The following EYA1 variants were observed in gnomAD, a reference collection of about 807,000 sequenced individuals.
EYA1 encodes protein phosphatase EYA1.
A neutral mutation model predicts 82.0 loss-of-function variants in EYA1; 16 were observed. The observed-to-expected ratio is 0.20, with a 90% CI of 0.13 to 0.30. The LOEUF (loss-of-function observed/expected upper bound fraction) is 0.30, where lower values mean the gene tolerates loss of function less well. EYA1 is among the 10% of genes least tolerant of loss of function. EYA1 has a pLI of 1.00. For missense variants in EYA1, 633 were observed against 730.7 expected (o/e 0.87, Z 1.54); for synonymous variants, 261 against 264.4 (o/e 0.99, Z 0.12).
chr8:71,277,984 T>G (rs766457963), intron 9 of EYA1, among the ~76,000 whole-genome samples: 4 of 152,156 alleles, frequency 2.6e-5, no homozygotes, highest in Non-Finnish European at 5.9e-5. Flanking sequence ...TTCCATAAAT[T>G]CTTCAATATT....
intron 7 of EYA1, among the ~76,000 whole-genome samples, chr8:71,310,168 C>T (rs1003590948): frequency 6.6e-6 from 1 of 152,178 alleles, no homozygotes; most frequent in Non-Finnish European, 1.5e-5. Flanking sequence ...TCTGTGATGT[C>T]TCCAACCAGC....
chr8:71,491,492 TA>T (rs766247714), intron 2 of EYA1, among the ~76,000 whole-genome samples: 5 of 152,190 alleles, frequency 3.3e-5, no homozygotes, highest in Non-Finnish European at 1.5e-5. Flanking sequence ...GACGGGGTTT[TA>T]AAAAGGCAAT....
At chr8:71,456,572 G>C (rs938347840) in intron 2 of EYA1, among the ~76,000 whole-genome samples, 1 of 151,876 alleles carries the variant, frequency 6.6e-6, no homozygotes, top group Non-Finnish European at 1.5e-5. Context: ...TAGATCAATG[G>C]AACAGAACAG....
intron 2 of EYA1, among the ~76,000 whole-genome samples, chr8:71,475,945 A>G (rs1434156110): frequency 6.6e-6 from 1 of 152,202 alleles, no homozygotes; most frequent in Non-Finnish European, 1.5e-5. Flanking sequence ...AGAGTCATTG[A>G]ATATTTTGAA....
intron 2 of EYA1, among the ~76,000 whole-genome samples, chr8:71,423,448 T>G (rs2129151994): frequency 6.6e-6 from 1 of 152,350 alleles, no homozygotes; most frequent in African/African-American, 2.4e-5. Context: ...TTATTTGTTT[T>G]TATTCTTCAA....
chr8:71,358,432 T>G (rs1454267585), intron 1 of EYA1, among the ~76,000 whole-genome samples: 1 of 152,192 alleles, frequency 6.6e-6, no homozygotes, highest in Admixed American at 6.5e-5. Context: ...TATACTCTTT[T>G]GTGTCTCAGG....
At chr8:71,438,444 T>C (rs1296377773) in intron 2 of EYA1, among the ~76,000 whole-genome samples, 1 of 152,116 alleles carries the variant, frequency 6.6e-6, no homozygotes, top group African/African-American at 2.4e-5. Context: ...AACATTGTGC[T>C]GGACACTGAA....
chr8:71,418,202 C>T (rs1432674734), intron 2 of EYA1, among the ~76,000 whole-genome samples: 2 of 152,078 alleles, frequency 1.3e-5, no homozygotes, highest in African/African-American at 2.4e-5. Context: ...CACTTGGTGC[C>T]GAAGTTGTAA....
intron 11 of EYA1, among the ~76,000 whole-genome samples, chr8:71,252,996 T>C (rs1019108278): frequency 7.2e-5 from 11 of 152,156 alleles, no homozygotes; most frequent in Non-Finnish European, 1.5e-4. Context: ...CAGTAATACA[T>C]GGTTATAAAC....
At chr8:71,389,638 C>T (rs1428205504) in intron 2 of EYA1, among the ~76,000 whole-genome samples, 1 of 152,136 alleles carries the variant, frequency 6.6e-6, no homozygotes, top group Non-Finnish European at 1.5e-5. Flanking sequence ...AAGATATTAA[C>T]ACCTGGAAAA....
At chr8:71,477,791 G>A (rs916899453) in intron 2 of EYA1, among the ~76,000 whole-genome samples, 3 of 152,116 alleles carry the variant, frequency 2.0e-5, no homozygotes, top group Admixed American at 1.3e-4. Flanking sequence ...GTAAAAGAAT[G>A]TTCACAGCAG....
intron 2 of EYA1, among the ~76,000 whole-genome samples, chr8:71,470,549 C>A (rs968524741): frequency 6.6e-6 from 1 of 151,980 alleles, no homozygotes; most frequent in African/African-American, 2.4e-5. Flanking sequence ...TTTGCACCAA[C>A]CTAATAGAAG....
chr8:71,374,045 C>T (rs138813112), intron 2 of EYA1, among the ~76,000 whole-genome samples: 5 of 152,098 alleles, frequency 3.3e-5, no homozygotes, highest in Non-Finnish European at 7.4e-5. Context: ...TAGAAGAAAA[C>T]AGGGGAAAAA....
intron 11 of EYA1, among the ~76,000 whole-genome samples, chr8:71,253,536 T>C (rs1269281042): frequency 6.6e-6 from 1 of 152,158 alleles, no homozygotes; most frequent in Non-Finnish European, 1.5e-5. Context: ...AGATTGTATA[T>C]AAATCTCTAA....
At chr8:71,220,888 C>A (rs2128864062) in intron 12 of EYA1, among the ~76,000 whole-genome samples, 1 of 152,290 alleles carries the variant, frequency 6.6e-6, no homozygotes, top group Middle Eastern at 3.4e-3. Context: ...TTCCCTGTGC[C>A]TGCAGATCCC....
chr8:71,497,294 T>G (rs1199159086), intron 2 of EYA1, among the ~76,000 whole-genome samples: 2 of 152,260 alleles, frequency 1.3e-5, no homozygotes, highest in East Asian at 1.9e-4. Flanking sequence ...AAAGCCATCC[T>G]GGGCCGCATG....
At chr8:71,541,987 C>T (rs1028578045) in intron 1 of EYA1, among the ~76,000 whole-genome samples, 1 of 152,156 alleles carries the variant, frequency 6.6e-6, no homozygotes, top group African/African-American at 2.4e-5. Flanking sequence ...ATTATTTTTG[C>T]TGTCCAAATT....
chr8:71,250,073 G>C (rs1005206496), intron 11 of EYA1, among the ~76,000 whole-genome samples: 2 of 150,774 alleles, frequency 1.3e-5, no homozygotes, highest in African/African-American at 4.9e-5. Context: ...TGTCTTTTGT[G>C]GATATTTGGT....
chr8:71,340,140 C>T (rs1037752587), intron 3 of EYA1, among the ~76,000 whole-genome samples: 1 of 152,170 alleles, frequency 6.6e-6, no homozygotes, highest in Non-Finnish European at 1.5e-5. Flanking sequence ...GTGCGTGAGT[C>T]GCTCCTGGCT....
Sources: allele counts gnomAD v4.1 joint callset (sites outside exome capture counted in the v4.1 genomes callset), GRCh38; gene constraint gnomAD v4.1.1; transcripts MANE v1.5; gene names NCBI Gene and HGNC (gene_info 2026-07-23, HGNC 2026-07-21).